Variants in PLEKHA6 observed in about 807,000 individuals in gnomAD.
The protein encoded by PLEKHA6 is pleckstrin homology domain-containing family A member 6.
In PLEKHA6, 60 loss-of-function variants were observed where a neutral mutation model predicts 116.7. The observed-to-expected ratio is 0.51, with a 90% confidence interval of 0.42 to 0.64. The LOEUF (loss-of-function observed/expected upper bound fraction) is 0.64, where lower values mean the gene tolerates loss of function less well. Among genes scored for constraint, PLEKHA6 ranks in the 30% least tolerant of loss-of-function variants. The pLI is 0.00. For synonymous variants in PLEKHA6, 489 were observed against 556.1 expected (o/e 0.88, Z 1.70); for missense variants, 1,338 against 1,422.7 (o/e 0.94, Z 0.96).
At chr1:204,346,329 G>A (rs532752810) in intron 1 of PLEKHA6, among the ~76,000 whole-genome samples, 10 of 151,980 alleles carry the variant, frequency 6.6e-5, no homozygotes, top group Admixed American at 4.6e-4. Context: ...GGGAACATGA[G>A]AGCAGCAAAC....
intron 1 of PLEKHA6, among the ~76,000 whole-genome samples, chr1:204,329,727 T>A (rs754017306): frequency 4.6e-5 from 7 of 152,112 alleles, no homozygotes; most frequent in Non-Finnish European, 1.0e-4. Flanking sequence ...GAGGATGCAA[T>A]CAGCCAAATC....
intron 1 of PLEKHA6, among the ~76,000 whole-genome samples, chr1:204,330,592 C>T (rs1672409307): frequency 6.6e-6 from 1 of 151,684 alleles, no homozygotes; most frequent in African/African-American, 2.4e-5. Flanking sequence ...TCTGGAGGTC[C>T]TGCTCTGGAG....
intron 1 of PLEKHA6, among the ~76,000 whole-genome samples, chr1:204,328,287 G>A (rs950252817): frequency 6.6e-6 from 1 of 151,718 alleles, no homozygotes; most frequent in Non-Finnish European, 1.5e-5. Context: ...TCTCTATGTT[G>A]GCCAGGCTGG....
At position 204,274,750 on chromosome 1, in the gene PLEKHA6, T is replaced by G. The variant is rs553633982; in HGVS notation, c.-35A>C. 1 of 985,886 alleles carries G rather than the reference T, an allele frequency of 1.0e-6. No individual in the cohort carries two copies. Among genetic ancestry groups the G allele is most frequent in the Non-Finnish European group, 1.2e-6 (1 of 829,968 alleles). 61.1% of individuals were successfully genotyped at this position (985,886 alleles called of 1,614,324 possible). A position where few individuals can be genotyped will look rare whatever the true frequency, so the allele number is the denominator to read the frequency against. On this transcript the variant is annotated 5_prime_UTR_variant, in exon 2 of 23. Coordinates refer to ENST00000272203, the MANE Select transcript of PLEKHA6 (RefSeq NM_014935.5). Reference sequence around the variant, plus strand: ...TTACATTTTCAAGTCAAATTTTTTGTTTTCCTCTGGGACCTGGCCAGTCAC... The same window carrying G: ...TTACATTTTCAAGTCAAATTTTTTGGTTTCCTCTGGGACCTGGCCAGTCAC...
intron 1 of PLEKHA6, among the ~76,000 whole-genome samples, chr1:204,285,542 T>C (rs7520262): frequency 0.36 from 55,090 of 151,010 alleles, 10,212 homozygotes; most frequent in East Asian, 0.52. Context: ...GTAGTGCGAT[T>C]TTGGCTCACC....
At chr1:204,224,588 A>C (rs1660076142) in intron 21 of PLEKHA6, among the ~76,000 whole-genome samples, 1 of 152,216 alleles carries the variant, frequency 6.6e-6, no homozygotes, top group South Asian at 2.1e-4. Flanking sequence ...TAATACACCT[A>C]CATGTGCATA....
Position 204,372,849 on chromosome 1 carries a change from A to G in PLEKHA6, c.84-1243T>C, listed in dbSNP as rs568311973. The stretch of plus-strand genomic sequence containing the variant: ...TGCATTTTCCAGAGTTTTATATAAA[A>G]GGAATCATACAATCATACAATACAG... On this transcript the variant is annotated intron_variant, in intron 1 of 4. Transcript: ENST00000564627. Among the ~76,000 whole-genome samples the G allele has an allele frequency of 3.9e-5, 6 of 152,010 alleles. No individual in the cohort carries two copies. The East Asian group carries it at 7.7e-4, about 20-fold the overall frequency.
chr1:204,306,295 C>CTGTA (rs1671294381), intron 1 of PLEKHA6, among the ~76,000 whole-genome samples: 1 of 152,176 alleles, frequency 6.6e-6, no homozygotes, highest in Non-Finnish European at 1.5e-5. Flanking sequence ...GCCAGGCTGC[C>CTGTA]CACCCACCAG....
intron 1 of PLEKHA6, among the ~76,000 whole-genome samples, chr1:204,330,068 A>T (rs1240408876): frequency 6.6e-6 from 1 of 152,230 alleles, no homozygotes; most frequent in Non-Finnish European, 1.5e-5. Context: ...AAATATAAAC[A>T]GTAACAGGAC....
At position 204,247,349 on chromosome 1, in the gene PLEKHA6, A is replaced by G. The variant is rs199838299; in HGVS notation, c.1920+16T>C. 3.2e-6 allele frequency: 5 copies of G among 1,541,460 alleles called. No individual in the cohort carries two copies. The highest frequency in any genetic ancestry group is 1.7e-5 in the Admixed American group (1 of 59,878). ...GTCACATCCCAATCCCCGCCAGCTC[A>G]GGGGCCCTTCTTCACCTGGGTGTCC... On this transcript the variant is annotated intron_variant, in intron 13 of 22. Coordinates refer to ENST00000272203, the MANE Select transcript of PLEKHA6 (RefSeq NM_014935.5).
intron 1 of PLEKHA6, among the ~76,000 whole-genome samples, chr1:204,327,826 C>T (rs1164238231): frequency 1.3e-5 from 2 of 152,232 alleles, no homozygotes; most frequent in Non-Finnish European, 2.9e-5. Flanking sequence ...TTCTCACTTG[C>T]TCCCATTCCT....
intron 1 of PLEKHA6, among the ~76,000 whole-genome samples, chr1:204,355,873 G>A (rs950700450): frequency 3.3e-5 from 5 of 152,010 alleles, no homozygotes; most frequent in African/African-American, 1.2e-4. Flanking sequence ...CATTTGATAA[G>A]TCTCTTTTTA....
In PLEKHA6 at chr1:204,221,699, CCTT is replaced by C. The variant is rs1351217891; in HGVS notation, c.*1086_*1088del. 1 of 152,518 alleles carries C rather than the reference CCTT, an allele frequency of 6.6e-6. No individual in the cohort carries two copies. The highest frequency in any genetic ancestry group is 1.9e-4 in the East Asian group (1 of 5,196). The allele number at this position is 152,518 out of a possible 1,614,324, so 9.4% of individuals were successfully genotyped here. ...TGACCACACCCTACATAAGACAAGT[CCTT>C]CTCTCTGCCCCTTACCCCAGGATGG... is the stretch of plus-strand genomic sequence containing the variant. On this transcript the variant is annotated 3_prime_UTR_variant, in exon 23 of 23. Coordinates refer to ENST00000272203, the MANE Select transcript of PLEKHA6 (RefSeq NM_014935.5).
intron 1 of PLEKHA6, among the ~76,000 whole-genome samples, chr1:204,359,408 C>T (rs1164847639): frequency 2.6e-5 from 4 of 152,222 alleles, no homozygotes; most frequent in African/African-American, 9.6e-5. Flanking sequence ...CCAGCCCCAA[C>T]GCTGCCTTCA....
At chr1:204,296,887 G>C (rs187303742) in intron 1 of PLEKHA6, among the ~76,000 whole-genome samples, 1 of 152,198 alleles carries the variant, frequency 6.6e-6, no homozygotes, top group African/African-American at 2.4e-5. Flanking sequence ...GAGCGTGGAC[G>C]GAAATGAGAG....
intron 1 of PLEKHA6, chr1:204,301,579 G>T: frequency 1.9e-6 from 1 of 526,232 alleles, no homozygotes; most frequent in Non-Finnish European, 2.4e-6. Flanking sequence ...TTACTCCCTA[G>T]GGCCATTCCC....
intron 1 of PLEKHA6, among the ~76,000 whole-genome samples, chr1:204,298,192 T>G (rs935286679): frequency 6.6e-6 from 1 of 152,206 alleles, no homozygotes; most frequent in Non-Finnish European, 1.5e-5. Flanking sequence ...CATGCAAAAA[T>G]AGTTTCATAT....
At chr1:204,358,128 C>T (rs1673465738) in intron 1 of PLEKHA6, among the ~76,000 whole-genome samples, 2 of 152,236 alleles carry the variant, frequency 1.3e-5, no homozygotes, top group African/African-American at 4.8e-5. Context: ...AATTACACAC[C>T]AGTGCTAACA....
chr1:204,249,413 T>A, intron 10 of PLEKHA6, 149 bp from the exon 11 acceptor site: 1 of 628,258 alleles, frequency 1.6e-6, no homozygotes, highest in South Asian at 2.0e-5. Flanking sequence ...TTGCCCTTGG[T>A]GGCTCCTGAG....
Sources: gnomAD v4.1 joint callset for allele counts (sites outside exome capture counted in the v4.1 genomes callset) on GRCh38, gnomAD v4.1.1 for gene constraint, MANE v1.5 for transcripts, NCBI Gene and HGNC (gene_info 2026-07-23, HGNC 2026-07-21) for gene names.